Variants in INTS14 observed in about 807,000 individuals in gnomAD.
INTS14 encodes integrator complex subunit 14, also known as UPF0464 protein C15orf44.
INTS14 carries 27 observed loss-of-function variants against 56.9 expected under a neutral mutation model. That is an observed-to-expected ratio of 0.47 (90% CI 0.35 to 0.65). The LOEUF is 0.65. INTS14 is among the 30% of genes least tolerant of loss of function. The pLI is 0.00. For missense variants in INTS14, 517 were observed against 632.2 expected (o/e 0.82, Z 1.95); for synonymous variants, 207 against 236.2 (o/e 0.88, Z 1.13).
intron 6 of INTS14, among the ~76,000 whole-genome samples, chr15:65,596,394 A>T (rs537871274): frequency 4.9e-4 from 74 of 152,180 alleles, no homozygotes; most frequent in African/African-American, 1.7e-3. Context: ...TCGATTATAT[A>T]ATATAAAAAC....
intron 9 of INTS14, 132 bp from the exon 10 acceptor site, chr15:65,585,020 A>C (rs2072765877): frequency 1.3e-6 from 1 of 763,384 alleles, no homozygotes; most frequent in South Asian, 2.4e-5. Context: ...AAAATCCATT[A>C]ACTTCAGTCA....
intron 2 of INTS14, among the ~76,000 whole-genome samples, chr15:65,606,882 C>A (rs991057756): frequency 1.3e-5 from 2 of 152,054 alleles, no homozygotes; most frequent in Non-Finnish European, 2.9e-5. Flanking sequence ...GGGAATGGAA[C>A]ACTACATCCT....
At position 65,599,019 on chromosome 15, in the gene INTS14, G is replaced by T. The variant is rs779741162; in HGVS notation, c.487-29C>A. ...TAAAGCAAAACAGATGACCCTTAAAGTGGCTGGCACAAAATGCCAGATTAT... is the reference window on the plus strand; with the variant it reads ...TAAAGCAAAACAGATGACCCTTAAATTGGCTGGCACAAAATGCCAGATTAT... On this transcript the variant is annotated intron_variant, in intron 4 of 11. Transcript: ENST00000313182. 2.6e-6 allele frequency: 4 copies of T among 1,554,022 alleles called. No homozygotes were observed. The East Asian group carries it at 6.9e-5, about 27-fold the overall frequency.
At chr15:65,595,661 C>G in intron 7 of INTS14, 72 bp downstream of exon 7, 1 of 1,248,462 alleles carries the variant, frequency 8.0e-7, no homozygotes, top group Non-Finnish European at 1.1e-6. Context: ...ATGGGCTATC[C>G]TACTATCTAA....
chr15:65,595,679 G>T, intron 7 of INTS14, 54 bp downstream of exon 7: 1 of 1,399,676 alleles, frequency 7.1e-7, no homozygotes, highest in Non-Finnish European at 9.8e-7. Flanking sequence ...TAAGATTTAA[G>T]AACAACTTTA....
In INTS14 at chr15:65,591,611, C is replaced by T. The variant is rs768577451; in HGVS notation, c.1107G>A (p.Leu369=). The T allele has an allele frequency of 1.2e-6, 2 of 1,613,988 alleles. No homozygotes were observed. The highest frequency in any genetic ancestry group is 1.7e-6 in the Non-Finnish European group (2 of 1,179,958). The part of the protein sequence containing the change: ...PLPWLGKMAQ[L]GPISDAKENP... Reference sequence around the variant, plus strand: ...TCTGGATTATACCTGAAATAGGACCCAACTGTGCCATTTTCCCTAGCCATG... The same window carrying T: ...TCTGGATTATACCTGAAATAGGACCTAACTGTGCCATTTTCCCTAGCCATG... The change falls in exon 9 of 12, where the codon TTG becomes TTA. Residue 369 remains leucine, a synonymous_variant. Transcript: ENST00000313182.
intron 6 of INTS14, among the ~76,000 whole-genome samples, chr15:65,597,859 C>T (rs570490644): frequency 6.6e-6 from 1 of 152,232 alleles, no homozygotes; most frequent in Admixed American, 6.5e-5. Context: ...TTATAATTAT[C>T]TAGGATTGGA....
In INTS14 at chr15:65,587,121, CCCAA is replaced by C. The variant is rs370981802; in HGVS notation, c.1121-2237_1121-2234del. 3.6e-3 allele frequency among the ~76,000 whole-genome samples: 544 copies of C among 152,188 alleles called. 3 individuals are homozygous for C. Among genetic ancestry groups the C allele is most frequent in the African/African-American group, 0.013 (523 of 41,526 alleles). On this transcript the variant is annotated intron_variant, in intron 9 of 11. Coordinates refer to ENST00000313182, the MANE Select transcript of INTS14 (RefSeq NM_001394796.1). Reference sequence around the variant, plus strand: ...ATGACTTCCAACTTAGAACTCAATTCCCAACCAAACTATCATTAAATATAAAGAA... The same window carrying C: ...ATGACTTCCAACTTAGAACTCAATTCCCAAACTATCATTAAATATAAAGAA...
At chr15:65,602,641 C>A (rs1596263561) in intron 3 of INTS14, among the ~76,000 whole-genome samples, 1 of 151,984 alleles carries the variant, frequency 6.6e-6, no homozygotes, top group East Asian at 1.9e-4. Flanking sequence ...AAAACAATAA[C>A]CAGTAAACAC....
intron 6 of INTS14, 55 bp downstream of exon 6, chr15:65,598,266 A>G (rs2073285276): frequency 1.3e-6 from 2 of 1,540,738 alleles, no homozygotes; most frequent in Non-Finnish European, 1.8e-6. Flanking sequence ...GTCACAAGTC[A>G]GAAGAAAGTA....
At chr15:65,594,137 G>C (rs1412476876) in intron 7 of INTS14, among the ~76,000 whole-genome samples, 2 of 152,146 alleles carry the variant, frequency 1.3e-5, no homozygotes, top group Non-Finnish European at 2.9e-5. Context: ...ATAACCAACA[G>C]GCTTAGGGCA....
chr15:65,594,155 C>T (rs145363593), intron 7 of INTS14, among the ~76,000 whole-genome samples: 101 of 152,296 alleles, frequency 6.6e-4, no homozygotes, highest in African/African-American at 2.3e-3. Context: ...GCAGCACATG[C>T]ATGTGAGTCC....
At chr15:65,610,818 G>A (rs2073899260) in intron 1 of INTS14, 1 of 1,535,076 alleles carries the variant, frequency 6.5e-7, no homozygotes, top group Admixed American at 2.0e-5. Flanking sequence ...TCAAGAAAAT[G>A]TGGGATCTGG....
At chr15:65,583,788 A>C (rs1566917502) in intron 10 of INTS14, among the ~76,000 whole-genome samples, 1 of 152,216 alleles carries the variant, frequency 6.6e-6, no homozygotes, top group Admixed American at 6.5e-5. Flanking sequence ...CTGGTGGTGA[A>C]AGTGGTTCTA....
At chr15:65,584,994 C>T (rs113829285) in intron 9 of INTS14, 106 bp from the exon 10 acceptor site, 3 of 917,392 alleles carry the variant, frequency 3.3e-6, no homozygotes, top group Non-Finnish European at 1.6e-6. Context: ...GATATCCTAT[C>T]ACTTTGTTAA....
chr15:65,579,859 G>A (rs1485665002), intron 11 of INTS14, among the ~76,000 whole-genome samples, 200 bp from the exon 12 acceptor site: 1 of 152,208 alleles, frequency 6.6e-6, no homozygotes, highest in African/African-American at 2.4e-5. Context: ...GTGACCAGAA[G>A]CAGGCTAAGG....
At position 65,599,947 on chromosome 15, in the gene INTS14, G is replaced by C. The variant is rs1325488095; in HGVS notation, c.331-18C>G. 1.2e-6 allele frequency: 2 copies of C among 1,607,382 alleles called. No homozygotes were observed. Among genetic ancestry groups the C allele is most frequent in the Admixed American group, 3.4e-5 (2 of 58,414 alleles). Reference sequence around the variant, plus strand: ...AGGACAACCTGTTTGTAAAAAGAGAGAGAGGAGGTTGTACATTAAATTACA... The same window carrying C: ...AGGACAACCTGTTTGTAAAAAGAGACAGAGGAGGTTGTACATTAAATTACA... On this transcript the variant is annotated intron_variant, in intron 3 of 11. Transcript: ENST00000313182.
chr15:65,581,842 A>G, intron 11 of INTS14, 112 bp downstream of exon 11: 1 of 1,072,920 alleles, frequency 9.3e-7, no homozygotes, highest in Non-Finnish European at 1.4e-6. Context: ...ATTTGAAAAA[A>G]CTGAGGCACA....
Position 65,598,694 on chromosome 15 carries a change from C to T in INTS14, c.605+178G>A, listed in dbSNP as rs1344980959. ...GTCATTATAAGGAAGTCAGTATCTA[C>T]AGACAGTATAGATTTACTTTAAAAA... On this transcript the variant is annotated intron_variant, in intron 5 of 11. Coordinates refer to ENST00000313182, the MANE Select transcript of INTS14 (RefSeq NM_001394796.1). 1.0e-5 allele frequency: 7 copies of T among 695,698 alleles called. 1 individual carries two copies. The South Asian group carries it at 1.3e-4, about 13-fold the overall frequency. The allele number at this position is 695,698 out of a possible 1,614,324, so 43.1% of individuals were successfully genotyped here.
Sources: gnomAD v4.1 joint callset for allele counts (sites outside exome capture counted in the v4.1 genomes callset) on GRCh38, gnomAD v4.1.1 for gene constraint, MANE v1.5 for transcripts, NCBI Gene and HGNC (gene_info 2026-07-23, HGNC 2026-07-21) for gene names.